ASH1L: variants seen among roughly 807,000 people sequenced by gnomAD.
The protein encoded by ASH1L is ASH1 like histone lysine methyltransferase.
In ASH1L, 23 loss-of-function variants were observed where a neutral mutation model predicts 269.0. The ratio of observed to expected loss-of-function variants is 0.09; its 90% CI spans 0.06 to 0.12. ASH1L has a LOEUF of 0.12. Among genes scored for constraint, ASH1L ranks in the 10% least tolerant of loss-of-function variants. The pLI is 1.00. For synonymous variants in ASH1L, 1,187 were observed against 1,253.5 expected (o/e 0.95, Z 1.12); for missense variants, 2,912 against 3,567.8 (o/e 0.82, Z 4.68).
At chr1:155,382,303 C>G (rs908351209) in intron 7 of ASH1L, among the ~76,000 whole-genome samples, 1 of 151,582 alleles carries the variant, frequency 6.6e-6, no homozygotes, top group Non-Finnish European at 1.5e-5. Context: ...TCAAGACCAT[C>G]CTGGCTAACA....
Position 155,335,780 on chromosome 1 carries a change from T to C in ASH1L, c.*1880A>G, listed in dbSNP as rs1652261002. 2 of 152,688 alleles carry C rather than the reference T, an allele frequency of 1.3e-5. No homozygotes were observed. The highest frequency in any genetic ancestry group is 1.3e-4 in the Admixed American group (2 of 15,280). The allele number at this position is 152,688 out of a possible 1,614,324, so 9.5% of individuals were successfully genotyped here. On this transcript the variant is annotated 3_prime_UTR_variant, in exon 28 of 28. Transcript: ENST00000392403. Reference sequence around the variant, plus strand: ...AAAGTTTTTTTTTCTTTTTCATCTTTTTTAAAATTTTAGTGTTTAACACTA... The same window carrying C: ...AAAGTTTTTTTTTCTTTTTCATCTTCTTTAAAATTTTAGTGTTTAACACTA...
chr1:155,480,057 C>G lies in ASH1L; in HGVS notation c.2813G>C (p.Ser938Thr). 8 of 1,614,118 alleles carry G rather than the reference C, an allele frequency of 5.0e-6. No individual in the cohort carries two copies. The highest frequency in any genetic ancestry group is 6.8e-6 in the Non-Finnish European group (8 of 1,180,022). ...NHRSSSDFFESEDQLQDPDDL... is the reference protein window; with the variant it reads ...NHRSSSDFFETEDQLQDPDDL... ...ATCTGGATCCTGAAGTTGATCCTCG[C>G]TCTCAAAGAAATCACTGCTACTTCT... The change falls in exon 3 of 28, where the codon AGC (serine) becomes ACC (threonine). Residue 938 changes from serine (S) to threonine (T), a missense_variant. By Grantham distance (58) the Ser-to-Thr change is moderately conservative (BLOSUM62 1). Around this residue, in one of 13 missense-constraint regions of ASH1L, gnomAD observed 715 missense variants for 721.0 expected, o/e 0.99. Coordinates refer to ENST00000392403, the MANE Select transcript of ASH1L (RefSeq NM_018489.3).
intron 6 of ASH1L, among the ~76,000 whole-genome samples, chr1:155,407,020 T>C (rs1449957605): frequency 6.6e-6 from 1 of 151,926 alleles, no homozygotes; most frequent in Admixed American, 6.6e-5. Flanking sequence ...AAAAGGGGAA[T>C]TGAACCAGCC....
chr1:155,532,906 T>C (rs1038127909), intron 1 of ASH1L, among the ~76,000 whole-genome samples: 7 of 148,732 alleles, frequency 4.7e-5, no homozygotes, highest in African/African-American at 1.7e-4. Context: ...TGTATGTATA[T>C]GTATGTATGT....
chr1:155,378,367 G>A lies in ASH1L; in HGVS notation c.6246C>T (p.Pro2082=). Residue 2082 remains proline, a synonymous_variant, in exon 10 of 28, where the codon CCC becomes CCT. Coordinates refer to ENST00000392403, the MANE Select transcript of ASH1L (RefSeq NM_018489.3). ...IRSNVYVDVK[P]LSGYEATTCN... is the part of the protein sequence containing the mutation. ...AGGTGGTAGCTTCGTAACCAGAAAG[G>A]GGTTTGACATCAACGTAGACATCTT... 4 of 1,614,092 alleles carry A rather than the reference G, an allele frequency of 2.5e-6. No homozygotes were observed. Among genetic ancestry groups the A allele is most frequent in the Non-Finnish European group, 3.4e-6 (4 of 1,179,992 alleles).
intron 2 of ASH1L, among the ~76,000 whole-genome samples, chr1:155,501,966 A>T (rs763667817): frequency 1.1e-4 from 16 of 148,864 alleles, no homozygotes; most frequent in Non-Finnish European, 2.4e-4. Context: ...CGGCCTAGAG[A>T]TTGTTTTAAA....
chr1:155,437,884 T>C (rs1216587666), intron 5 of ASH1L, among the ~76,000 whole-genome samples: 1 of 152,216 alleles, frequency 6.6e-6, no homozygotes, highest in African/African-American at 2.4e-5. Context: ...AGACAGGGTC[T>C]CGCTCTGTCG....
chr1:155,335,607 A>T lies in ASH1L; in HGVS notation c.*2053T>A, dbSNP rs186687102. 1.3e-5 allele frequency: 2 copies of T among 152,866 alleles called. No individual in the cohort carries two copies. The highest frequency in any genetic ancestry group is 3.8e-4 in the East Asian group (2 of 5,330). 9.5% of individuals were successfully genotyped at this position (152,866 alleles called of 1,614,324 possible). The stretch of plus-strand genomic sequence containing the variant: ...AACTGAAAAATAAAAAAAGGCATTA[A>T]TTTCTACACCAGTAAGAAAAAACAA... On this transcript the variant is annotated 3_prime_UTR_variant, in exon 28 of 28. Transcript: ENST00000392403.
chr1:155,411,480 A>G (rs989473328), intron 6 of ASH1L, among the ~76,000 whole-genome samples: 1 of 149,980 alleles, frequency 6.7e-6, no homozygotes, highest in African/African-American at 2.5e-5. Flanking sequence ...AAAGATCAGA[A>G]TCTTCCATTT....
intron 4 of ASH1L, among the ~76,000 whole-genome samples, chr1:155,443,521 C>A (rs986634836): frequency 2.0e-5 from 3 of 152,034 alleles, no homozygotes; most frequent in African/African-American, 7.3e-5. Flanking sequence ...ACCATGTAGC[C>A]ATCATCATAA....
intron 6 of ASH1L, among the ~76,000 whole-genome samples, chr1:155,411,311 C>A (rs1659740409): frequency 6.6e-6 from 1 of 151,772 alleles, no homozygotes; most frequent in South Asian, 2.1e-4. Context: ...AAAGAATAAA[C>A]CATTTTCTTC....
At chr1:155,409,873 T>C (rs980830436) in intron 6 of ASH1L, among the ~76,000 whole-genome samples, 4 of 152,008 alleles carry the variant, frequency 2.6e-5, no homozygotes, top group African/African-American at 4.8e-5. Context: ...TCTTAAAAAA[T>C]GGTCGATCTT....
intron 8 of ASH1L, among the ~76,000 whole-genome samples, chr1:155,378,760 GA>G (rs745436459): frequency 6.6e-6 from 1 of 152,180 alleles, no homozygotes; most frequent in Non-Finnish European, 1.5e-5. Flanking sequence ...TTCAACAGAA[GA>G]AGCACTAAAT....
chr1:155,540,756 G>A (rs143464099), intron 1 of ASH1L, among the ~76,000 whole-genome samples: 10 of 152,012 alleles, frequency 6.6e-5, no homozygotes, highest in African/African-American at 9.7e-5. Context: ...GTGACAACAC[G>A]AGACCCTGTC....
chr1:155,545,566 A>G (rs1670750253), intron 1 of ASH1L, among the ~76,000 whole-genome samples: 1 of 151,910 alleles, frequency 6.6e-6, no homozygotes. Flanking sequence ...AGAAAAAATT[A>G]TGAATGATTA....
chr1:155,338,774 C>T (rs1012606999), intron 26 of ASH1L, among the ~76,000 whole-genome samples: 8 of 152,130 alleles, frequency 5.3e-5, no homozygotes, highest in Non-Finnish European at 1.0e-4. Context: ...TTTAAATTTT[C>T]GTGCTTCCCT....
chr1:155,462,571 C>T (rs758866016), intron 3 of ASH1L, among the ~76,000 whole-genome samples: 56 of 152,088 alleles, frequency 3.7e-4, no homozygotes, highest in Admixed American at 1.2e-3. Context: ...TCATTATTGG[C>T]AGCATTATTG....
At chr1:155,445,985 TC>T (rs1289078586) in intron 4 of ASH1L, among the ~76,000 whole-genome samples, 1 of 150,788 alleles carries the variant, frequency 6.6e-6, no homozygotes, top group Admixed American at 6.6e-5. Flanking sequence ...CCTGCCTCAT[TC>T]CCCCATGTTG....
At chr1:155,362,193 C>T (rs995762869) in intron 12 of ASH1L, among the ~76,000 whole-genome samples, 10 of 152,024 alleles carry the variant, frequency 6.6e-5, no homozygotes, top group African/African-American at 2.4e-4. Flanking sequence ...TGCCACCACG[C>T]CCAGCTACTT....
Sources: gnomAD v4.1 joint callset for allele counts (sites outside exome capture counted in the v4.1 genomes callset) on GRCh38, gnomAD v4.1.1 for gene constraint, gnomAD v4.1.1 regional missense constraint, MANE v1.5 for transcripts, NCBI Gene and HGNC (gene_info 2026-07-23, HGNC 2026-07-21) for gene names.